Variants in RHBDD1 observed in about 807,000 individuals in gnomAD.
The protein encoded by RHBDD1 is rhomboid domain containing 1, also known as rhomboid-related protein 4.
RHBDD1 carries 38 observed loss-of-function variants against 36.3 expected under a neutral mutation model. The observed-to-expected ratio is 1.05, with a 90% CI of 0.81 to 1.37. The LOEUF is 1.37. RHBDD1 is among the 40% of genes most tolerant of loss of function. The pLI is 0.00. For missense variants in RHBDD1, 393 were observed against 377.6 expected, an observed-to-expected ratio of 1.04 and a Z score of -0.34; for synonymous variants, 151 against 136.5, an observed-to-expected ratio of 1.11 and a Z score of -0.74.
intron 5 of RHBDD1, among the ~76,000 whole-genome samples, chr2:226,903,321 C>T (rs1428172806): frequency 6.6e-6 from 1 of 152,216 alleles, no homozygotes; most frequent in Non-Finnish European, 1.5e-5. Context: ...AAATTTCACA[C>T]TGCTCTGCAT....
At chr2:226,814,845 C>T in the RHBDD1 span, among the ~76,000 whole-genome samples, 1,093 of 152,330 alleles carry the variant, frequency 7.2e-3, 19 homozygotes, top group African/African-American at 0.025. Flanking sequence ...AGCATGTTTA[C>T]ATCAGTTCCT....
intron 5 of RHBDD1, among the ~76,000 whole-genome samples, chr2:226,874,201 G>A (rs1482257649): frequency 6.6e-6 from 1 of 152,048 alleles, no homozygotes. Context: ...GATTTGGGTG[G>A]GGACACAGAG....
intron 8 of RHBDD1, among the ~76,000 whole-genome samples, chr2:226,944,975 G>T (rs1950878132): frequency 6.6e-6 from 1 of 152,022 alleles, no homozygotes; most frequent in Non-Finnish European, 1.5e-5. Context: ...TCTGTTGGAG[G>T]AACTAGGTTG....
chr2:226,904,419 G>A (rs1309427142), intron 5 of RHBDD1, among the ~76,000 whole-genome samples: 1 of 148,618 alleles, frequency 6.7e-6, no homozygotes, highest in Admixed American at 6.7e-5. Context: ...GCAAGCGGGG[G>A]GGGAGGGGGG....
chr2:226,922,277 G>A (rs569276377), intron 8 of RHBDD1, among the ~76,000 whole-genome samples: 13 of 136,894 alleles, frequency 9.5e-5, no homozygotes, highest in Admixed American at 3.2e-4. Flanking sequence ...GTGTGATCTC[G>A]GCTCACTGTA....
chr2:226,837,956 T>A (rs1309594475), intron 1 of RHBDD1, 117 bp from the exon 2 acceptor site: 1 of 152,240 alleles, frequency 6.6e-6, no homozygotes, highest in Non-Finnish European at 1.5e-5. Context: ...AACTCCACGG[T>A]AGCAAAGATC....
At chr2:226,907,285 A>C (rs1263717090) in intron 6 of RHBDD1, among the ~76,000 whole-genome samples, 1 of 152,178 alleles carries the variant, frequency 6.6e-6, no homozygotes, top group East Asian at 1.9e-4. Context: ...ACTGAAGTGC[A>C]TGGCCAGTAT....
intron 6 of RHBDD1, 21 bp from the exon 7 acceptor site, chr2:226,908,801 G>C: frequency 6.4e-7 from 1 of 1,572,156 alleles, no homozygotes; most frequent in African/African-American, 1.3e-5. Context: ...CCATTAAAAT[G>C]TTTATTTCTT....
At chr2:226,926,373 C>T (rs1949673414) in intron 8 of RHBDD1, among the ~76,000 whole-genome samples, 1 of 152,120 alleles carries the variant, frequency 6.6e-6, no homozygotes, top group South Asian at 2.1e-4. Context: ...GTTTTATAGT[C>T]AGGTTTTCAA....
At chr2:226,880,464 A>G (rs939009349) in intron 5 of RHBDD1, among the ~76,000 whole-genome samples, 1 of 152,250 alleles carries the variant, frequency 6.6e-6, no homozygotes, top group African/African-American at 2.4e-5. Flanking sequence ...AACCCAAAAC[A>G]ATGATTCCCT....
At chr2:226,839,074 A>G (rs1941327774) in intron 2 of RHBDD1, among the ~76,000 whole-genome samples, 1 of 152,224 alleles carries the variant, frequency 6.6e-6, no homozygotes, top group Admixed American at 6.5e-5. Context: ...TCTTAATAGC[A>G]AAGTGAAAAG....
At chr2:226,949,980 A>G (rs916299360) in intron 8 of RHBDD1, among the ~76,000 whole-genome samples, 5 of 152,228 alleles carry the variant, frequency 3.3e-5, no homozygotes, top group South Asian at 2.1e-4. Flanking sequence ...GTACTCCACA[A>G]TGTTTTGAAA....
chr2:226,879,854 A>G (rs1945556684), intron 5 of RHBDD1, among the ~76,000 whole-genome samples: 1 of 152,162 alleles, frequency 6.6e-6, no homozygotes. Context: ...TGCAGAAGGA[A>G]TTTTGGTCTT....
chr2:226,913,620 AT>A lies in RHBDD1; in HGVS notation c.713-579del, dbSNP rs759356445. Reference sequence around the variant, plus strand: ...TTCTCTCTTGTTTTATCTAGCAACCATTTTTTTTTGAAGTCGTCTCTTCTTT... The same window carrying A: ...TTCTCTCTTGTTTTATCTAGCAACCATTTTTTTTGAAGTCGTCTCTTCTTT... On this transcript the variant is annotated intron_variant, in intron 7 of 8. Coordinates refer to ENST00000392062, the MANE Select transcript of RHBDD1 (RefSeq NM_001167608.3). Among the ~76,000 whole-genome samples the A allele has an allele frequency of 3.8e-4, 57 of 150,718 alleles. 1 individual carries two copies. The highest frequency in any genetic ancestry group is 1.2e-3 in the African/African-American group (50 of 41,128).
intron 8 of RHBDD1, among the ~76,000 whole-genome samples, chr2:226,923,439 A>G (rs963295248): frequency 6.6e-6 from 1 of 151,988 alleles, no homozygotes; most frequent in African/African-American, 2.4e-5. Flanking sequence ...TGCTGTTTTT[A>G]GTATCCTTTC....
chr2:226,861,514 G>C (rs1354083353), intron 3 of RHBDD1, among the ~76,000 whole-genome samples: 3 of 152,190 alleles, frequency 2.0e-5, no homozygotes, highest in African/African-American at 7.2e-5. Flanking sequence ...TAATTGAGGG[G>C]CAAGTTTTTC....
intron 5 of RHBDD1, among the ~76,000 whole-genome samples, chr2:226,886,950 A>G (rs904639976): frequency 1.3e-5 from 2 of 152,142 alleles, no homozygotes; most frequent in African/African-American, 4.8e-5. Flanking sequence ...TAAACTAAAA[A>G]GGAAAAAATG....
chr2:226,962,802 G>C (rs1051523562), intron 8 of RHBDD1, among the ~76,000 whole-genome samples: 1 of 152,190 alleles, frequency 6.6e-6, no homozygotes, highest in Non-Finnish European at 1.5e-5. Context: ...TGAAAATAAA[G>C]ATAGTCTTAT....
chr2:226,940,310 T>C (rs1950583714), intron 8 of RHBDD1, among the ~76,000 whole-genome samples: 1 of 152,164 alleles, frequency 6.6e-6, no homozygotes, highest in Admixed American at 6.6e-5. Flanking sequence ...AAAAAGGATC[T>C]AAAAGAGCTT....
Sources: allele counts gnomAD v4.1 joint callset (sites outside exome capture counted in the v4.1 genomes callset), GRCh38; gene constraint gnomAD v4.1.1; transcripts MANE v1.5; gene names NCBI Gene and HGNC (gene_info 2026-07-23, HGNC 2026-07-21).